The following OIT3 variants were observed in gnomAD, a reference collection of about 807,000 sequenced individuals.
OIT3 encodes oncoprotein-induced transcript 3 protein.
In OIT3, 41 loss-of-function variants were observed where a neutral mutation model predicts 52.2. The observed-to-expected ratio is 0.79, with a 90% CI of 0.61 to 1.02. The LOEUF (loss-of-function observed/expected upper bound fraction) is 1.02, where lower values mean the gene tolerates loss of function less well. OIT3 is among the 50% of genes least tolerant of loss of function. The probability of loss-of-function intolerance (pLI) is 0.00; values close to 1 mark genes in which losing one functional copy is unlikely to be tolerated. For synonymous variants in OIT3, 244 were observed against 276.9 expected (o/e 0.88, Z 1.18); for missense variants, 634 against 715.5 (o/e 0.89, Z 1.30).
chr10:72,897,880 A>G (rs964618930), intron 1 of OIT3, among the ~76,000 whole-genome samples: 1 of 152,142 alleles, frequency 6.6e-6, no homozygotes, highest in Non-Finnish European at 1.5e-5. Context: ...ATTTTCTTCC[A>G]TCTTCTTTTT....
chr10:72,929,094 T>C (rs184248908), intron 7 of OIT3, among the ~76,000 whole-genome samples: 23 of 151,926 alleles, frequency 1.5e-4, no homozygotes, highest in Admixed American at 1.5e-3. Context: ...ATAATCCCAC[T>C]GAGGGGCTGA....
intron 6 of OIT3, chr10:72,917,986 T>TATC: frequency 1.2e-6 from 1 of 811,580 alleles, no homozygotes; most frequent in South Asian, 1.4e-5. Context: ...TCTTCATCAT[T>TATC]ATCATCATTA....
chr10:72,913,671 T>A (rs1013232238), intron 6 of OIT3: 2 of 674,594 alleles, frequency 3.0e-6, no homozygotes, highest in African/African-American at 3.5e-5. Flanking sequence ...AGAATTCTGC[T>A]ATTCCTGTTT....
chr10:72,908,041 G>A (rs1447755653), intron 4 of OIT3, among the ~76,000 whole-genome samples: 3 of 152,086 alleles, frequency 2.0e-5, no homozygotes, highest in Admixed American at 6.6e-5. Context: ...TCAGGAGTTC[G>A]TGATCAGCCT....
At chr10:72,898,627 C>T (rs745506882) in intron 1 of OIT3, 37 bp from the exon 2 acceptor site, 1 of 1,558,204 alleles carries the variant, frequency 6.4e-7, no homozygotes, top group South Asian at 1.2e-5. Flanking sequence ...TGATCCGAAA[C>T]ACTCCAGGTA....
intron 5 of OIT3, among the ~76,000 whole-genome samples, chr10:72,912,970 G>A (rs1289718029): frequency 6.6e-6 from 1 of 152,152 alleles, no homozygotes; most frequent in Non-Finnish European, 1.5e-5. Context: ...CACTTTTTCT[G>A]TGTTGCTAAT....
intron 6 of OIT3, among the ~76,000 whole-genome samples, chr10:72,914,549 G>C (rs1846058053): frequency 6.6e-6 from 1 of 152,186 alleles, no homozygotes; most frequent in Non-Finnish European, 1.5e-5. Context: ...TCGTATCTGT[G>C]GATAATCAAA....
At chr10:72,918,524 G>A (rs374662139) in intron 6 of OIT3, 42 of 1,415,194 alleles carry the variant, frequency 3.0e-5, no homozygotes, top group East Asian at 3.0e-4. Context: ...CATGTCCATC[G>A]AATCTTCCAT....
intron 6 of OIT3, among the ~76,000 whole-genome samples, chr10:72,913,902 C>G (rs1327448670): frequency 6.6e-6 from 1 of 152,230 alleles, no homozygotes; most frequent in African/African-American, 2.4e-5. Context: ...GCACACAGCC[C>G]TGTGCTGGAG....
At chr10:72,895,696 A>G (rs1845869946) in intron 1 of OIT3, among the ~76,000 whole-genome samples, 1 of 152,134 alleles carries the variant, frequency 6.6e-6, no homozygotes, top group Non-Finnish European at 1.5e-5. Context: ...CCCTGGGGCG[A>G]AAGGGTGGGG....
At chr10:72,917,011 G>A (rs570517725) in intron 6 of OIT3, among the ~76,000 whole-genome samples, 139 of 151,660 alleles carry the variant, frequency 9.2e-4, no homozygotes, top group African/African-American at 3.2e-3. Context: ...CTTTTCCCAC[G>A]TTTTAATGTT....
intron 3 of OIT3, among the ~76,000 whole-genome samples, chr10:72,900,854 G>A (rs1845925597): frequency 1.3e-5 from 2 of 152,086 alleles, no homozygotes; most frequent in South Asian, 4.1e-4. Flanking sequence ...GATGGCTTGA[G>A]CCCAGGAGTT....
At chr10:72,909,850 T>C (rs2132934993) in intron 4 of OIT3, among the ~76,000 whole-genome samples, 1 of 152,310 alleles carries the variant, frequency 6.6e-6, no homozygotes, top group African/African-American at 2.4e-5. Flanking sequence ...TTTCACCATG[T>C]TGGCCAGGCT....
chr10:72,910,858 A>G (rs1846022638), intron 4 of OIT3, among the ~76,000 whole-genome samples: 1 of 152,260 alleles, frequency 6.6e-6, no homozygotes, highest in South Asian at 2.1e-4. Context: ...GTAGTGAGAA[A>G]GCAGCCATGA....
intron 2 of OIT3, 123 bp from the exon 3 acceptor site, chr10:72,900,254 C>G: frequency 1.6e-6 from 1 of 608,648 alleles, no homozygotes; most frequent in Non-Finnish European, 2.9e-6. Context: ...CCCAGGGGTT[C>G]GAGGCCAGCC....
chr10:72,904,961 G>T (rs1589522411), intron 3 of OIT3, among the ~76,000 whole-genome samples: 1 of 152,220 alleles, frequency 6.6e-6, no homozygotes, highest in South Asian at 2.1e-4. Flanking sequence ...CATGGAGGAA[G>T]GTGAAGGGTG....
rs751143274 is a variant in OIT3 at position 72,925,115 on chromosome 10, C to CAAAA, written c.1367+488_1367+491dup. On this transcript the variant is annotated intron_variant, in intron 7 of 8. Coordinates refer to ENST00000334011, the MANE Select transcript of OIT3 (RefSeq NM_152635.3). ...GACAAGAATGAAACTCCTAAAATCT[C>CAAAA]AAAAAAAAAAAAAAAAAAAAGGCTC... is the stretch of plus-strand genomic sequence containing the variant. Among the ~76,000 whole-genome samples the CAAAA allele has an allele frequency of 1.3e-4, 5 of 38,004 alleles. No individual in the cohort carries two copies. The South Asian group carries it at 3.1e-3, about 24-fold the overall frequency. The allele number at this position is 38,004 out of a possible 152,430, so 24.9% of individuals were successfully genotyped here. A position where few individuals can be genotyped will look rare whatever the true frequency, so the allele number is the denominator to read the frequency against.
chr10:72,932,823 T>C lies in OIT3; in HGVS notation c.*299T>C, dbSNP rs57547472. The stretch of plus-strand genomic sequence containing the variant: ...TTCCTACACTTAAATACCTCGTGTA[T>C]GGTGCAATCAGACCACAAAATCAGA... On this transcript the variant is annotated 3_prime_UTR_variant, in exon 9 of 9. Coordinates refer to ENST00000334011, the MANE Select transcript of OIT3 (RefSeq NM_152635.3). The C allele has an allele frequency of 0.025, 7,005 of 282,168 alleles. 469 individuals are homozygous for C. The highest frequency in any genetic ancestry group is 0.14 in the African/African-American group (6,473 of 46,162). The allele number at this position is 282,168 out of a possible 1,614,324, so 17.5% of individuals were successfully genotyped here. A position where few individuals can be genotyped will look rare whatever the true frequency, so the allele number is the denominator to read the frequency against.
At chr10:72,908,849 G>A (rs1018137160) in intron 4 of OIT3, among the ~76,000 whole-genome samples, 1 of 151,022 alleles carries the variant, frequency 6.6e-6, no homozygotes, top group Admixed American at 6.6e-5. Context: ...TAACCCTTAA[G>A]TTTTATTGAT....
Sources: gnomAD v4.1 joint callset for allele counts (sites outside exome capture counted in the v4.1 genomes callset) on GRCh38, gnomAD v4.1.1 for gene constraint, MANE v1.5 for transcripts, NCBI Gene and HGNC (gene_info 2026-07-23, HGNC 2026-07-21) for gene names.